The following NRG1 variants were observed in gnomAD, a reference collection of about 807,000 sequenced individuals.
NRG1 encodes the protein pro-neuregulin-1, membrane-bound isoform.
NRG1 carries 18 observed loss-of-function variants against 63.8 expected under a neutral mutation model. The ratio of observed to expected loss-of-function variants is 0.28; its 90% CI spans 0.19 to 0.42. NRG1 has a LOEUF of 0.42. Among genes scored for constraint, NRG1 ranks in the 10% least tolerant of loss-of-function variants. NRG1 has a pLI of 1.00. For synonymous variants in NRG1, 302 were observed against 301.3 expected (o/e 1.00, Z -0.02); for missense variants, 762 against 814.7 (o/e 0.94, Z 0.79).
At chr8:32,154,574 C>G (rs1000567865) in intron 1 of NRG1, among the ~76,000 whole-genome samples, 1 of 151,966 alleles carries the variant, frequency 6.6e-6, no homozygotes, top group Non-Finnish European at 1.5e-5. Context: ...GGCCTTCTTA[C>G]TAGTTTCCAC....
intron 1 of NRG1, among the ~76,000 whole-genome samples, chr8:31,954,419 G>T (rs2129624027): frequency 6.6e-6 from 1 of 152,262 alleles, no homozygotes; most frequent in East Asian, 1.9e-4. Flanking sequence ...GAGAGAAAAT[G>T]CTCAGAAACT....
chr8:31,758,507 C>T (rs1366045982), intron 1 of NRG1, among the ~76,000 whole-genome samples: 2 of 152,138 alleles, frequency 1.3e-5, no homozygotes, highest in Non-Finnish European at 2.9e-5. Flanking sequence ...AACTGTGGCA[C>T]ATACACACCA....
At chr8:32,752,255 A>G (rs1410517921) in intron 7 of NRG1, among the ~76,000 whole-genome samples, 2 of 152,170 alleles carry the variant, frequency 1.3e-5, no homozygotes, top group African/African-American at 4.8e-5. Flanking sequence ...CCTGATCAGG[A>G]TACCAAGATC....
chr8:32,134,517 C>A (rs1835260264), intron 1 of NRG1, among the ~76,000 whole-genome samples: 1 of 152,084 alleles, frequency 6.6e-6, no homozygotes, highest in Non-Finnish European at 1.5e-5. Flanking sequence ...CCAATTCTTA[C>A]AGACGTTATT....
intron 1 of NRG1, among the ~76,000 whole-genome samples, chr8:31,741,482 CT>C (rs79435210): frequency 0.2 from 30,167 of 151,790 alleles, 4,132 homozygotes; most frequent in East Asian, 0.65. Flanking sequence ...TACATTTAAC[CT>C]ACAAAGAAAC....
At chr8:32,533,364 T>C (rs893641293) in intron 1 of NRG1, among the ~76,000 whole-genome samples, 1 of 152,110 alleles carries the variant, frequency 6.6e-6, no homozygotes, top group African/African-American at 2.4e-5. Context: ...TAATTAGTTA[T>C]GTAGCTATAA....
rs1203588217 is a variant in NRG1, at chr8:32,086,032, C to A, written c.37+446601C>A. On this transcript the variant is annotated intron_variant, in intron 1 of 10. Coordinates refer to the NRG1 transcript ENST00000519301. ...CAGGTAGACTTCTGTGAAATCCTCA[C>A]AAGGCACAGAAATTTAATGGCATTT... Among the ~76,000 whole-genome samples the A allele has an allele frequency of 3.9e-5, 6 of 152,154 alleles. No individual in the cohort carries two copies. In the East Asian group the frequency reaches 9.6e-4, roughly 24 times the overall value.
intron 1 of NRG1, among the ~76,000 whole-genome samples, chr8:32,273,996 T>C (rs1851819595): frequency 6.6e-6 from 1 of 152,220 alleles, no homozygotes; most frequent in African/African-American, 2.4e-5. Context: ...TGTCTTTACG[T>C]GCTTTTTCAC....
intron 1 of NRG1, among the ~76,000 whole-genome samples, chr8:32,353,817 G>A (rs1414906339): frequency 6.6e-6 from 1 of 152,136 alleles, no homozygotes; most frequent in Non-Finnish European, 1.5e-5. Flanking sequence ...CCACTCCTGG[G>A]TATTTACTCA....
At chr8:31,709,957 T>C (rs1322060893) in intron 1 of NRG1, among the ~76,000 whole-genome samples, 1 of 151,754 alleles carries the variant, frequency 6.6e-6, no homozygotes, top group Non-Finnish European at 1.5e-5. Flanking sequence ...TCCTTTTCCA[T>C]TGATTTTTTG....
intron 1 of NRG1, among the ~76,000 whole-genome samples, chr8:32,425,377 A>G (rs1316093495): frequency 1.3e-5 from 2 of 152,156 alleles, no homozygotes; most frequent in Non-Finnish European, 2.9e-5. Context: ...ATCCAGAAGA[A>G]ATGTGAAGAC....
chr8:32,181,825 T>G (rs912022824), intron 1 of NRG1, among the ~76,000 whole-genome samples: 5 of 152,172 alleles, frequency 3.3e-5, no homozygotes, highest in Non-Finnish European at 7.4e-5. Flanking sequence ...AAATAAGTAT[T>G]TCTATTTATA....
rs151053851 is a variant in NRG1 at position 31,749,535 on chromosome 8, C to T, written c.37+110104C>T. ...GAAATAGAGCAACCGCAATTGAATT[C>T]TCAGATCACTAAACTTTTCTTGCTT... On this transcript the variant is annotated intron_variant, in intron 1 of 10. Transcript: ENST00000519301. Among the ~76,000 whole-genome samples the T allele has an allele frequency of 2.6e-3, 391 of 151,898 alleles. 3 individuals carry two copies. Among genetic ancestry groups the T allele is most frequent in the African/African-American group, 9.0e-3 (373 of 41,504 alleles).
intron 1 of NRG1, among the ~76,000 whole-genome samples, chr8:32,011,421 C>T (rs1340976550): frequency 6.6e-6 from 1 of 152,082 alleles, no homozygotes; most frequent in Admixed American, 6.6e-5. Flanking sequence ...ACTTCAACCT[C>T]CAGCCCATTT....
intron 1 of NRG1, among the ~76,000 whole-genome samples, chr8:31,738,528 T>C (rs1465512925): frequency 6.6e-6 from 1 of 152,134 alleles, no homozygotes; most frequent in Non-Finnish European, 1.5e-5. Context: ...ATTATTATCA[T>C]ACCATTATTA....
chr8:32,576,807 T>G (rs886772813), intron 1 of NRG1, among the ~76,000 whole-genome samples: 1 of 151,698 alleles, frequency 6.6e-6, no homozygotes, highest in African/African-American at 2.4e-5. Context: ...ATATTTATAT[T>G]ATTTTAAAAA....
At chr8:31,715,305 T>C (rs12545558) in intron 1 of NRG1, among the ~76,000 whole-genome samples, 25,521 of 152,042 alleles carry the variant, frequency 0.17, 2,388 homozygotes, top group African/African-American at 0.23. Context: ...AGGTCAGAGA[T>C]TGACTAATGC....
chr8:31,830,348 TC>T (rs1825002243), intron 1 of NRG1, among the ~76,000 whole-genome samples: 2 of 105,410 alleles, frequency 1.9e-5, no homozygotes, highest in Non-Finnish European at 3.8e-5. Context: ...CTTCCTTCCT[TC>T]CTTCCTTCCT....
chr8:32,395,608 C>CTTTT (rs541452250), intron 1 of NRG1, among the ~76,000 whole-genome samples: 1 of 146,752 alleles, frequency 6.8e-6, no homozygotes, highest in Non-Finnish European at 1.5e-5. Context: ...TGAGTTATAA[C>CTTTT]TTTTTTTTTT....
Sources: allele counts gnomAD v4.1 joint callset (sites outside exome capture counted in the v4.1 genomes callset), GRCh38; gene constraint gnomAD v4.1.1; transcripts MANE v1.5; gene names NCBI Gene and HGNC (gene_info 2026-07-23, HGNC 2026-07-21).